KIAA0930: variants seen among roughly 807,000 people sequenced by gnomAD.
KIAA0930 encodes the protein uncharacterized protein KIAA0930.
A neutral mutation model predicts 43.9 loss-of-function variants in KIAA0930; 24 were observed. The observed-to-expected ratio is 0.55, with a 90% CI of 0.40 to 0.77. KIAA0930 has a LOEUF of 0.77. Ranked by LOEUF, KIAA0930 falls within the 30% of genes least tolerant of loss-of-function variation. The pLI is 0.00. For missense variants in KIAA0930, 461 were observed against 574.2 expected, an observed-to-expected ratio of 0.80 and a Z score of 2.02; for synonymous variants, 259 against 216.4, an observed-to-expected ratio of 1.20 and a Z score of -1.73.
At chr22:45,201,733 G>C (rs1051543334) in intron 7 of KIAA0930, among the ~76,000 whole-genome samples, 2 of 152,092 alleles carry the variant, frequency 1.3e-5, no homozygotes, top group East Asian at 3.9e-4. Context: ...CACATTCATT[G>C]CAGAAGATAC....
rs545226975 is a variant in KIAA0930, at chr22:45,195,835, C to T, written c.*1341G>A. The T allele has an allele frequency of 6.6e-6, 1 of 152,518 alleles. No individual in the cohort carries two copies. The highest frequency in any genetic ancestry group is 2.4e-5 in the African/African-American group (1 of 41,406). 9.4% of individuals were successfully genotyped at this position (152,518 alleles called of 1,614,324 possible). On this transcript the variant is annotated 3_prime_UTR_variant, in exon 10 of 10. Transcript: ENST00000336156. ...GGGCAAACTGAGGCAGAATGAAATG[C>T]AATAGCTCGCTTTTAATAACAACAT...
chr22:45,221,547 T>C (rs1052235123), intron 1 of KIAA0930, among the ~76,000 whole-genome samples: 31 of 152,214 alleles, frequency 2.0e-4, no homozygotes, highest in African/African-American at 7.2e-4. Context: ...TATGATCATT[T>C]TGTTCAATGC....
At chr22:45,202,876 C>A (rs555492251) in intron 7 of KIAA0930, 114 bp downstream of exon 7, 1 of 877,974 alleles carries the variant, frequency 1.1e-6, no homozygotes, top group African/African-American at 1.7e-5. Flanking sequence ...GGCCTGCGCA[C>A]TGGTGGTTGG....
At chr22:45,235,869 C>G (rs1321973840) in intron 1 of KIAA0930, among the ~76,000 whole-genome samples, 1 of 152,230 alleles carries the variant, frequency 6.6e-6, no homozygotes, top group Non-Finnish European at 1.5e-5. Context: ...CCAGCGGCAC[C>G]TCCCACTAAA....
chr22:45,232,715 A>G (rs1253524042), intron 1 of KIAA0930, among the ~76,000 whole-genome samples: 2 of 152,220 alleles, frequency 1.3e-5, no homozygotes, highest in African/African-American at 4.8e-5. Context: ...CATCAGGCAC[A>G]GGAAGCCTGG....
At chr22:45,223,330 T>C (rs2083778541) in intron 1 of KIAA0930, among the ~76,000 whole-genome samples, 2 of 152,164 alleles carry the variant, frequency 1.3e-5, no homozygotes, top group Admixed American at 6.5e-5. Flanking sequence ...GCCAATCGTT[T>C]AAGATGACTC....
chr22:45,224,091 T>C (rs1480514644), intron 1 of KIAA0930, among the ~76,000 whole-genome samples: 1 of 152,266 alleles, frequency 6.6e-6, no homozygotes, highest in Non-Finnish European at 1.5e-5. Context: ...CACGTTTACC[T>C]ATCCAAAAAG....
chr22:45,225,491 C>T (rs1415915297), intron 1 of KIAA0930, among the ~76,000 whole-genome samples: 1 of 152,200 alleles, frequency 6.6e-6, no homozygotes, highest in African/African-American at 2.4e-5. Flanking sequence ...CTCCAGGCAG[C>T]CCCCGCATCT....
At chr22:45,205,098 C>T (rs2083624295) in intron 5 of KIAA0930, 119 bp downstream of exon 5, 1 of 770,246 alleles carries the variant, frequency 1.3e-6, no homozygotes, top group South Asian at 1.5e-5. Context: ...CTCAGCCGGA[C>T]TCTTCCCGGC....
intron 1 of KIAA0930, among the ~76,000 whole-genome samples, chr22:45,215,689 G>A (rs532330570): frequency 1.2e-4 from 19 of 152,262 alleles, no homozygotes; most frequent in South Asian, 1.2e-3. Flanking sequence ...GTGGAAAAGC[G>A]GAACCCCAAG....
chr22:45,207,960 T>A (rs1056720969), intron 2 of KIAA0930, among the ~76,000 whole-genome samples: 14 of 152,256 alleles, frequency 9.2e-5, no homozygotes, highest in African/African-American at 2.6e-4. Context: ...TTCATTTGCT[T>A]TTGCTCAGCA....
At chr22:45,202,126 G>C (rs1489492130) in intron 7 of KIAA0930, among the ~76,000 whole-genome samples, 13 of 152,248 alleles carry the variant, frequency 8.5e-5, no homozygotes, top group Non-Finnish European at 2.9e-5. Context: ...CGTCTCTCCT[G>C]GACAATGGCT....
rs1241872941 is a variant in KIAA0930 at position 45,193,392 on chromosome 22, C to T, written c.*3784G>A. The T allele has an allele frequency of 6.6e-6, 1 of 152,168 alleles. No individual in the cohort carries two copies. Among genetic ancestry groups the T allele is most frequent in the Non-Finnish European group, 1.5e-5 (1 of 68,042 alleles). 9.4% of individuals were successfully genotyped at this position (152,168 alleles called of 1,614,324 possible). A position where few individuals can be genotyped will look rare whatever the true frequency, so the allele number is the denominator to read the frequency against. Reference sequence around the variant, plus strand: ...CCAGGCAGTCATTAGAATATACTGGCTGCACAGGGCCTTTCCTCTGGGACA... The same window carrying T: ...CCAGGCAGTCATTAGAATATACTGGTTGCACAGGGCCTTTCCTCTGGGACA... On this transcript the variant is annotated 3_prime_UTR_variant, in exon 10 of 10. Transcript: ENST00000336156.
At chr22:45,210,762 C>A (rs1601815884) in intron 2 of KIAA0930, among the ~76,000 whole-genome samples, 1 of 151,964 alleles carries the variant, frequency 6.6e-6, no homozygotes, top group Middle Eastern at 3.4e-3. Context: ...CCCTGCCTGC[C>A]CGAGTGTGGC....
intron 1 of KIAA0930, chr22:45,213,357 G>A (rs2083711205): frequency 7.7e-7 from 1 of 1,303,542 alleles, no homozygotes; most frequent in Admixed American, 2.3e-5. Flanking sequence ...GGGCTCTAGG[G>A]CAGTGAGAGG....
At chr22:45,222,664 C>T (rs960150789) in intron 1 of KIAA0930, among the ~76,000 whole-genome samples, 13 of 150,576 alleles carry the variant, frequency 8.6e-5, no homozygotes, top group African/African-American at 3.2e-4. Flanking sequence ...CCCACCACCA[C>T]ACACATACAC....
intron 5 of KIAA0930, 55 bp from the exon 6 acceptor site, chr22:45,204,040 C>T: frequency 6.2e-7 from 1 of 1,606,880 alleles, no homozygotes. Flanking sequence ...ACCGCCCACA[C>T]CACAGCCTGG....
chr22:45,236,820 A>T (rs1307471801), intron 1 of KIAA0930, among the ~76,000 whole-genome samples: 1 of 152,258 alleles, frequency 6.6e-6, no homozygotes, highest in Non-Finnish European at 1.5e-5. Flanking sequence ...AAGAATGAAC[A>T]TAAAATGCCC....
Position 45,198,151 on chromosome 22 carries a change from C to G in KIAA0930, c.1016-203G>C, listed in dbSNP as rs1411015185. On this transcript the variant is annotated intron_variant, in intron 8 of 9. Transcript: ENST00000336156. ...CCCTCCCTGCTTCCTCTGGCCCAGACCCAGGCCTCCAACTCCAGGAAGACT... is the reference window on the plus strand; with the variant it reads ...CCCTCCCTGCTTCCTCTGGCCCAGAGCCAGGCCTCCAACTCCAGGAAGACT... 1.2e-5 allele frequency: 7 copies of G among 579,258 alleles called. No homozygotes were observed. In the East Asian group the frequency reaches 2.0e-4, roughly 16 times the overall value. The allele number at this position is 579,258 out of a possible 1,614,324, so 35.9% of individuals were successfully genotyped here. A position where few individuals can be genotyped will look rare whatever the true frequency, so the allele number is the denominator to read the frequency against.
Sources: gnomAD v4.1 joint callset for allele counts (sites outside exome capture counted in the v4.1 genomes callset) on GRCh38, gnomAD v4.1.1 for gene constraint, MANE v1.5 for transcripts, NCBI Gene and HGNC (gene_info 2026-07-23, HGNC 2026-07-21) for gene names.